Variants in TAFA2 observed in about 807,000 individuals in gnomAD.
TAFA2 encodes the protein TAFA chemokine like family member 2, also known as chemokine-like protein TAFA-2.
Under a neutral mutation model 18.8 loss-of-function variants are expected in TAFA2, and 7 were observed. The ratio of observed to expected loss-of-function variants is 0.37; its 90% CI spans 0.21 to 0.70. The LOEUF is 0.70. Among genes scored for constraint, TAFA2 ranks in the 30% least tolerant of loss-of-function variants. The pLI, the probability that TAFA2 is intolerant of heterozygous loss-of-function variation, is 0.53. For missense variants in TAFA2, 122 were observed against 158.1 expected, an observed-to-expected ratio of 0.77 and a Z score of 1.23; for synonymous variants, 60 against 54.2, an observed-to-expected ratio of 1.11 and a Z score of -0.47.
upstream of TAFA2, among the ~76,000 whole-genome samples, chr12:62,193,509 T>G (rs1218724000): frequency 6.6e-6 from 1 of 152,250 alleles, no homozygotes; most frequent in Non-Finnish European, 1.5e-5. Flanking sequence ...ACATACCATA[T>G]TTACAAAGAA....
chr12:61,931,015 A>T (rs752930452), intron 1 of TAFA2, among the ~76,000 whole-genome samples: 1 of 152,230 alleles, frequency 6.6e-6, no homozygotes, highest in Non-Finnish European at 1.5e-5. Flanking sequence ...ATGACTAGAC[A>T]GACAGATGAG....
chr12:62,055,022 A>T lies in TAFA2; in HGVS notation c.-2+136237T>A, dbSNP rs146680171. 2.0e-4 allele frequency among the ~76,000 whole-genome samples: 30 copies of T among 152,308 alleles called. No individual in the cohort carries two copies. In the East Asian group the frequency reaches 5.6e-3, roughly 28 times the overall value. Reference sequence around the variant, plus strand: ...TTCATGTGTTAAATTCTAATGGTCAATGTGATAGTATTAGGAGGTGAGGCC... The same window carrying T: ...TTCATGTGTTAAATTCTAATGGTCATTGTGATAGTATTAGGAGGTGAGGCC... On this transcript the variant is annotated intron_variant, in intron 1 of 4. Transcript: ENST00000416284.
chr12:61,976,035 C>T (rs188916897), intron 1 of TAFA2, among the ~76,000 whole-genome samples: 70 of 151,736 alleles, frequency 4.6e-4, no homozygotes, highest in African/African-American at 1.5e-3. Context: ...TCCATCATAC[C>T]TCAATAAAGC....
chr12:62,001,754 G>T (rs1479782405), intron 1 of TAFA2, among the ~76,000 whole-genome samples: 2 of 152,120 alleles, frequency 1.3e-5, no homozygotes, highest in Non-Finnish European at 2.9e-5. Flanking sequence ...TGGCCCAGGG[G>T]TTGGGGACCC....
At chr12:62,224,314 G>A (rs2062776937) in intron 1 of TAFA2, among the ~76,000 whole-genome samples, 1 of 152,104 alleles carries the variant, frequency 6.6e-6, no homozygotes, top group Non-Finnish European at 1.5e-5. Flanking sequence ...ACCATAATCT[G>A]GGTGGCTTAT....
At chr12:62,135,592 T>C (rs1462591105) in intron 1 of TAFA2, among the ~76,000 whole-genome samples, 3 of 151,828 alleles carry the variant, frequency 2.0e-5, no homozygotes. Context: ...AAAAAACAGG[T>C]AATAAAAAAT....
intron 1 of TAFA2, among the ~76,000 whole-genome samples, chr12:62,006,235 T>C (rs201286209): frequency 6.6e-6 from 1 of 152,148 alleles, no homozygotes; most frequent in East Asian, 1.9e-4. Flanking sequence ...GTTTGTTTTG[T>C]TTTGTTTTTG....
chr12:61,713,225 C>T (rs1869494902), intron 4 of TAFA2, among the ~76,000 whole-genome samples: 1 of 152,142 alleles, frequency 6.6e-6, no homozygotes, highest in South Asian at 2.1e-4. Context: ...ACTGTTCAAA[C>T]TGTGTTCAAA....
At chr12:61,715,062 G>A (rs918186484) in intron 4 of TAFA2, among the ~76,000 whole-genome samples, 2 of 152,148 alleles carry the variant, frequency 1.3e-5, no homozygotes, top group Non-Finnish European at 2.9e-5. Context: ...CAAAGTGCTT[G>A]TCCCATTAAA....
chr12:61,996,937 G>C (rs1418284913), intron 1 of TAFA2, among the ~76,000 whole-genome samples: 1 of 152,130 alleles, frequency 6.6e-6, no homozygotes, highest in Non-Finnish European at 1.5e-5. Flanking sequence ...CATTTGCCAA[G>C]CTATTTCATT....
chr12:61,739,935 T>C lies in TAFA2; in HGVS notation c.384+13687A>G, dbSNP rs1043921453. 3.9e-5 allele frequency among the ~76,000 whole-genome samples: 6 copies of C among 152,114 alleles called. 1 individual carries two copies. The East Asian group carries it at 9.7e-4, about 24-fold the overall frequency. On this transcript the variant is annotated intron_variant, in intron 4 of 4. Coordinates refer to ENST00000416284, the MANE Select transcript of TAFA2 (RefSeq NM_178539.5). ...GATAGAATAAATGCATCTCAGTATA[T>C]GAATCTTAGAAACAGGCTGACCAAA...
chr12:61,809,111 T>G (rs1871752331), intron 2 of TAFA2, among the ~76,000 whole-genome samples: 1 of 151,500 alleles, frequency 6.6e-6, no homozygotes. Context: ...TGTGCGTGCA[T>G]GTGCACGTGT....
intron 2 of TAFA2, among the ~76,000 whole-genome samples, chr12:61,792,528 C>T (rs924678094): frequency 4.0e-5 from 6 of 151,000 alleles, no homozygotes; most frequent in African/African-American, 9.8e-5. Flanking sequence ...TATTTTGTGT[C>T]ATTAAAATTT....
intron 1 of TAFA2, among the ~76,000 whole-genome samples, chr12:61,913,061 C>A (rs1323470517): frequency 6.6e-6 from 1 of 152,154 alleles, no homozygotes; most frequent in Non-Finnish European, 1.5e-5. Flanking sequence ...AGACATCACA[C>A]TTGAAATTTT....
chr12:61,880,284 T>A (rs1308598402), intron 1 of TAFA2: 1 of 477,570 alleles, frequency 2.1e-6, no homozygotes, highest in Non-Finnish European at 4.1e-6. Context: ...CAGGCTGAGA[T>A]CAAGGGCCTC....
intron 1 of TAFA2, among the ~76,000 whole-genome samples, chr12:62,222,315 A>C (rs2062766435): frequency 1.3e-5 from 2 of 152,174 alleles, no homozygotes; most frequent in Admixed American, 6.5e-5. Flanking sequence ...TACCTCCCTC[A>C]AAATGAGTAA....
intron 1 of TAFA2, among the ~76,000 whole-genome samples, chr12:61,957,258 G>A (rs1156996767): frequency 2.0e-5 from 3 of 152,126 alleles, no homozygotes; most frequent in South Asian, 2.1e-4. Flanking sequence ...CCCTAATTCT[G>A]TCCAGAATAG....
intron 1 of TAFA2, among the ~76,000 whole-genome samples, chr12:62,134,838 T>C (rs1870832933): frequency 6.6e-6 from 1 of 152,044 alleles, no homozygotes; most frequent in African/African-American, 2.4e-5. Context: ...ATAGGCCTTA[T>C]TTTAATTCCT....
intron 1 of TAFA2, among the ~76,000 whole-genome samples, chr12:62,054,970 T>C (rs530960155): frequency 6.6e-6 from 1 of 152,368 alleles, no homozygotes; most frequent in Non-Finnish European, 1.5e-5. Flanking sequence ...ACTATTGCTA[T>C]AGACAATGTT....
Sources: allele counts gnomAD v4.1 joint callset (sites outside exome capture counted in the v4.1 genomes callset), GRCh38; gene constraint gnomAD v4.1.1; transcripts MANE v1.5; gene names NCBI Gene and HGNC (gene_info 2026-07-23, HGNC 2026-07-21).